Variants in INSL6 observed in about 807,000 individuals in gnomAD.
INSL6 encodes insulin like 6.
Under a neutral mutation model 9.4 loss-of-function variants are expected in INSL6, and 16 were observed. That is an observed-to-expected ratio of 1.70 (90% CI 1.15 to 2.59). The LOEUF (loss-of-function observed/expected upper bound fraction) is 2.59. INSL6 is among the 30% of genes most tolerant of loss of function. The pLI is 0.00. For synonymous variants in INSL6, 154 were observed against 96.9 expected (o/e 1.59, Z -3.46); for missense variants, 391 against 257.3 (o/e 1.52, Z -3.56).
chr9:5,050,579 T>A, the INSL6 span: 1 of 1,182,562 alleles, frequency 8.5e-7, no homozygotes, highest in Non-Finnish European at 1.2e-6. Flanking sequence ...CCAATTTGTA[T>A]CTTGTAAATG....
intron 3 of INSL6, chr9:5,132,268 T>G (rs1159107258): frequency 2.0e-5 from 3 of 152,232 alleles, no homozygotes; most frequent in Non-Finnish European, 2.9e-5. Context: ...AAACATAGTT[T>G]GGAAATCTGA....
chr9:5,122,698 G>C (rs962689307), downstream of INSL6, among the ~76,000 whole-genome samples: 4 of 151,866 alleles, frequency 2.6e-5, no homozygotes, highest in Non-Finnish European at 4.4e-5. Context: ...GGCACTCTCC[G>C]CCTGGCACAT....
chr9:5,179,169 G>C (rs1013252588), intron 1 of INSL6, among the ~76,000 whole-genome samples: 1 of 151,402 alleles, frequency 6.6e-6, no homozygotes, highest in Non-Finnish European at 1.5e-5. Flanking sequence ...AAATTTACAA[G>C]AAAAAAACAA....
chr9:5,117,281 T>C, the INSL6 span, among the ~76,000 whole-genome samples: 1 of 152,236 alleles, frequency 6.6e-6, no homozygotes, highest in South Asian at 2.1e-4. Context: ...CAGTACATCA[T>C]GTTAATGAGT....
chr9:5,111,383 C>T, the INSL6 span: 13 of 367,930 alleles, frequency 3.5e-5, no homozygotes, highest in Admixed American at 2.2e-4. Context: ...GCAGCTCTGG[C>T]GGACAGAGGC....
the INSL6 span, among the ~76,000 whole-genome samples, chr9:5,051,791 A>G: frequency 6.6e-6 from 1 of 152,110 alleles, no homozygotes; most frequent in Non-Finnish European, 1.5e-5. Flanking sequence ...TTTCTTTGCC[A>G]TGTCATCAAA....
chr9:5,090,758 C>CA, the INSL6 span: 4 of 1,603,368 alleles, frequency 2.5e-6, no homozygotes, highest in African/African-American at 1.4e-5. Flanking sequence ...TATCTTGGTA[C>CA]AAAAAGGTAT....
chr9:5,057,230 ACTT>A, the INSL6 span, among the ~76,000 whole-genome samples: 12,862 of 151,952 alleles, frequency 0.085, 1,600 homozygotes, highest in African/African-American at 0.28. Flanking sequence ...TAAAATTAAT[ACTT>A]CTTCTCTGTG....
chr9:5,041,799 C>G, the INSL6 span: 71 of 485,822 alleles, frequency 1.5e-4, 2 homozygotes, highest in Admixed American at 1.3e-3. Context: ...GGACAAAGAT[C>G]AGCCGCACAG....
chr9:5,040,721 G>C, the INSL6 span, among the ~76,000 whole-genome samples: 1 of 152,268 alleles, frequency 6.6e-6, no homozygotes, highest in Non-Finnish European at 1.5e-5. Context: ...ATGCCCAACA[G>C]GTGGGCCCCT....
At chr9:5,106,516 G>A in the INSL6 span, among the ~76,000 whole-genome samples, 1 of 152,150 alleles carries the variant, frequency 6.6e-6, no homozygotes, top group Admixed American at 6.5e-5. Context: ...TCTAGAACTA[G>A]AAATACCATT....
the INSL6 span, among the ~76,000 whole-genome samples, chr9:5,087,586 G>C: frequency 6.6e-6 from 1 of 152,012 alleles, no homozygotes; most frequent in African/African-American, 2.4e-5. Flanking sequence ...AAGAAAAATA[G>C]AGGCATTCCG....
rs1388695640 is a variant in INSL6, at chr9:5,164,078, G to A, written c.477C>T (p.Ser159=). 1.9e-6 allele frequency: 3 copies of A among 1,613,424 alleles called. No individual in the cohort carries two copies. Among genetic ancestry groups the A allele is most frequent in the Non-Finnish European group, 2.5e-6 (3 of 1,179,806 alleles). The change falls in exon 2 of 2, where the codon AGC becomes AGT. Residue 159 remains serine, a synonymous_variant. Transcript: ENST00000381641. ...GGGGATGATGCCCCCAAAACAAATTGCTTAAGGTTTTAATTTTGTTTCTAC... is the reference window on the plus strand; with the variant it reads ...GGGGATGATGCCCCCAAAACAAATTACTTAAGGTTTTAATTTTGTTTCTAC... ...KKRRNKIKTL[S]NLFWGHHPQR...
chr9:5,085,550 TAGA>T, the INSL6 span: 1 of 698,630 alleles, frequency 1.4e-6, no homozygotes. Context: ...CGGGTTAAAA[TAGA>T]TATAACAGCT....
the INSL6 span, among the ~76,000 whole-genome samples, chr9:5,067,849 G>A: frequency 6.6e-6 from 1 of 151,958 alleles, no homozygotes; most frequent in Non-Finnish European, 1.5e-5. Flanking sequence ...TAACAGACAG[G>A]TTTACAATTA....
chr9:5,185,024 C>G (rs1358742361), intron 1 of INSL6, among the ~76,000 whole-genome samples: 5 of 152,022 alleles, frequency 3.3e-5, no homozygotes, highest in African/African-American at 1.2e-4. Context: ...TTAAGTTGGG[C>G]TTTGAAGGAC....
downstream of INSL6, among the ~76,000 whole-genome samples, chr9:5,161,836 T>G (rs12352022): frequency 0.26 from 39,440 of 151,848 alleles, 5,303 homozygotes; most frequent in South Asian, 0.3. Context: ...ACCCAGCACT[T>G]TGGGAGGCCA....
intron 1 of INSL6, among the ~76,000 whole-genome samples, chr9:5,169,012 G>A (rs796955381): frequency 2.6e-5 from 4 of 151,940 alleles, no homozygotes; most frequent in African/African-American, 7.2e-5. Flanking sequence ...TGCAACCTCG[G>A]CCTCCAGGGT....
chr9:5,126,770 A>C lies in INSL6; in HGVS notation c.*11-2259T>G, dbSNP rs145153225. The C allele has an allele frequency of 2.1e-4, 333 of 1,607,458 alleles. No homozygotes were observed. The highest frequency in any genetic ancestry group is 2.7e-4 in the Non-Finnish European group (323 of 1,175,048). On this transcript the variant is annotated intron_variant, in intron 3 of 3. Transcript: ENST00000649639. ...ATCTAGCTCTTCGAGTGGATCAAATAAGGGATAACATGGCTGGATGAAAGA... is the reference window on the plus strand; with the variant it reads ...ATCTAGCTCTTCGAGTGGATCAAATCAGGGATAACATGGCTGGATGAAAGA...
Sources: allele counts gnomAD v4.1 joint callset (sites outside exome capture counted in the v4.1 genomes callset), GRCh38; gene constraint gnomAD v4.1.1; transcripts MANE v1.5; gene names NCBI Gene and HGNC (gene_info 2026-07-23, HGNC 2026-07-21).